ANK3: variants seen among roughly 807,000 people sequenced by gnomAD.
ANK3 encodes the protein ankyrin 3.
A neutral mutation model predicts 370.9 loss-of-function variants in ANK3; 57 were observed. The observed-to-expected ratio is 0.15, with a 90% CI of 0.12 to 0.19. The LOEUF is 0.19. ANK3 is among the 10% of genes least tolerant of loss of function. The pLI, the probability that ANK3 is intolerant of heterozygous loss-of-function variation, is 1.00. For missense variants in ANK3, 4,439 were observed against 5,302.1 expected (o/e 0.84, Z 5.06); for synonymous variants, 1,929 against 1,946.3 (o/e 0.99, Z 0.23).
intron 1 of ANK3, among the ~76,000 whole-genome samples, chr10:60,293,132 G>T (rs942863424): frequency 3.3e-5 from 5 of 152,054 alleles, no homozygotes; most frequent in African/African-American, 4.8e-5. Context: ...GCTTTCCTGC[G>T]AGCCAAGCTG....
chr10:60,436,115 AAAAT>A (rs2064152803), intron 2 of ANK3, among the ~76,000 whole-genome samples: 1 of 151,700 alleles, frequency 6.6e-6, no homozygotes, highest in South Asian at 2.1e-4. Context: ...ATAAATAAAA[AAAAT>A]AAAGTCTCAT....
chr10:60,383,916 T>C (rs1456076218), intron 1 of ANK3, among the ~76,000 whole-genome samples: 1 of 152,138 alleles, frequency 6.6e-6, no homozygotes, highest in Non-Finnish European at 1.5e-5. Flanking sequence ...TTCATGTCTT[T>C]AAAAAATCTG....
At chr10:60,672,357 G>C (rs138702336) in intron 1 of ANK3, among the ~76,000 whole-genome samples, 13 of 152,180 alleles carry the variant, frequency 8.5e-5, no homozygotes, top group Admixed American at 1.3e-4. Flanking sequence ...GGAAGGACCA[G>C]GCCATGATTA....
intron 1 of ANK3, among the ~76,000 whole-genome samples, chr10:60,313,928 G>GT (rs760802914): frequency 0.21 from 27,104 of 131,956 alleles, 2,717 homozygotes; most frequent in Admixed American, 0.3. Flanking sequence ...TTTTGTTTTT[G>GT]TTTTTTTTTT....
intron 2 of ANK3, among the ~76,000 whole-genome samples, chr10:60,534,120 A>G (rs2076669345): frequency 6.6e-6 from 1 of 152,134 alleles, no homozygotes; most frequent in Non-Finnish European, 1.5e-5. Context: ...CAGAATAGTA[A>G]CAATAACAAC....
chr10:60,193,399 G>T (rs2096529115), intron 16 of ANK3, among the ~76,000 whole-genome samples: 1 of 152,238 alleles, frequency 6.6e-6, no homozygotes, highest in African/African-American at 2.4e-5. Context: ...GCTCATGCCT[G>T]TAATCCCAGC....
intron 43 of ANK3, among the ~76,000 whole-genome samples, chr10:60,036,710 A>G (rs1437090364): frequency 6.6e-6 from 1 of 152,066 alleles, no homozygotes; most frequent in Admixed American, 6.6e-5. Flanking sequence ...TGCTGGGAAT[A>G]CAGGCGTGAG....
intron 1 of ANK3, among the ~76,000 whole-genome samples, chr10:60,288,861 G>A (rs1221180718): frequency 2.0e-5 from 3 of 149,374 alleles, no homozygotes; most frequent in Admixed American, 6.7e-5. Flanking sequence ...CAACCCCACC[G>A]TGCCTCAAGG....
At chr10:60,141,602 C>T (rs2094572923) in intron 23 of ANK3, among the ~76,000 whole-genome samples, 1 of 139,980 alleles carries the variant, frequency 7.1e-6, no homozygotes, top group South Asian at 2.3e-4. Context: ...CCTCCAGCCC[C>T]CACCGCCCCC....
chr10:60,469,704 C>T (rs2065167305), intron 2 of ANK3, among the ~76,000 whole-genome samples: 1 of 111,060 alleles, frequency 9.0e-6, no homozygotes, highest in Non-Finnish European at 1.9e-5. Context: ...TATAGTGGTC[C>T]TATATGCCAT....
intron 2 of ANK3, among the ~76,000 whole-genome samples, chr10:60,518,172 C>T (rs781782731): frequency 7.9e-5 from 12 of 152,086 alleles, no homozygotes; most frequent in Non-Finnish European, 1.3e-4. Context: ...GAACTTGTTC[C>T]ATGCTGCCAG....
At chr10:60,065,784 A>G (rs2081523193) in intron 38 of ANK3, among the ~76,000 whole-genome samples, 1 of 152,236 alleles carries the variant, frequency 6.6e-6, no homozygotes, top group Admixed American at 6.5e-5. Context: ...TTTATATAAT[A>G]TTCCATTTAA....
At chr10:60,466,755 C>T (rs2065020777) in intron 2 of ANK3, among the ~76,000 whole-genome samples, 1 of 152,122 alleles carries the variant, frequency 6.6e-6, no homozygotes, top group Non-Finnish European at 1.5e-5. Flanking sequence ...CTGATGCATG[C>T]TACAACATAG....
chr10:60,117,452 G>C (rs2093173928), intron 25 of ANK3, among the ~76,000 whole-genome samples: 1 of 152,132 alleles, frequency 6.6e-6, no homozygotes, highest in South Asian at 2.1e-4. Flanking sequence ...TTTGGGGTTG[G>C]ACTATTGATA....
At chr10:60,034,133 G>A (rs60666389) in intron 43 of ANK3, among the ~76,000 whole-genome samples, 11,599 of 129,536 alleles carry the variant, frequency 0.09, 583 homozygotes, top group African/African-American at 0.14. Context: ...TTGAGACAGA[G>A]TCTTGCTCTG....
In ANK3 at chr10:60,073,785, A is replaced by T. The variant is rs750194817; in HGVS notation, c.7096T>A (p.Ser2366Thr). 6.2e-7 allele frequency: 1 copy of T among 1,613,664 alleles called. No homozygotes were observed. Among genetic ancestry groups the T allele is most frequent in the East Asian group, 2.2e-5 (1 of 44,868 alleles). The change falls in exon 37 of 44, where the codon TCC becomes ACC. Residue 2366 changes from serine (S) to threonine (T), a missense_variant. Transcript: ENST00000280772. ...TCTTTTAGGTTAATATCTCCCCGGG[A>T]TAAGTCTTTCTGATATACATACATT... ...KEMYVYQKDL[S>T]RGDINLKDFL... is the part of the protein sequence containing the mutation.
intron 23 of ANK3, among the ~76,000 whole-genome samples, chr10:60,143,544 C>G: frequency 6.6e-6 from 1 of 152,240 alleles, no homozygotes; most frequent in Non-Finnish European, 1.5e-5. Flanking sequence ...TAAAAAGGAG[C>G]TGTGTAGGTT....
At chr10:60,259,802 A>G (rs563067776) in intron 7 of ANK3, among the ~76,000 whole-genome samples, 1 of 152,332 alleles carries the variant, frequency 6.6e-6, no homozygotes, top group South Asian at 2.1e-4. Context: ...AGGTTTTATT[A>G]TGCTATGAAT....
chr10:60,234,380 T>C (rs2097297695), intron 8 of ANK3, among the ~76,000 whole-genome samples: 1 of 152,186 alleles, frequency 6.6e-6, no homozygotes, highest in African/African-American at 2.4e-5. Context: ...TGTTTCTAAA[T>C]AGAATAACTT....
Sources: gnomAD v4.1 joint callset for allele counts (sites outside exome capture counted in the v4.1 genomes callset) on GRCh38, gnomAD v4.1.1 for gene constraint, MANE v1.5 for transcripts, NCBI Gene and HGNC (gene_info 2026-07-23, HGNC 2026-07-21) for gene names.